The following RYR2 variants were observed in gnomAD, a reference collection of about 807,000 sequenced individuals.
The protein encoded by RYR2 is ryanodine receptor 2.
RYR2 carries 227 observed loss-of-function variants against 601.1 expected under a neutral mutation model. That is an observed-to-expected ratio of 0.38 (90% CI 0.34 to 0.42). The LOEUF is 0.42. Ranked by LOEUF, RYR2 falls within the 10% of genes least tolerant of loss-of-function variation. The pLI is 1.00. For missense variants in RYR2, 4,646 were observed against 6,156.5 expected (o/e 0.75, Z 8.21); for synonymous variants, 2,223 against 2,175.1 (o/e 1.02, Z -0.61).
intron 93 of RYR2, chr1:237,791,722 C>T: frequency 1.7e-6 from 1 of 574,534 alleles, no homozygotes. Flanking sequence ...AACTGAAGGG[C>T]ATTTGATTTA....
At chr1:237,553,225 C>T (rs577157304) in intron 27 of RYR2, among the ~76,000 whole-genome samples, 1 of 151,932 alleles carries the variant, frequency 6.6e-6, no homozygotes, top group South Asian at 2.1e-4. Context: ...GGTGTGTGAT[C>T]TAAAGTGAGT....
chr1:237,562,237 T>G (rs1671529783), intron 27 of RYR2, among the ~76,000 whole-genome samples: 1 of 152,222 alleles, frequency 6.6e-6, no homozygotes, highest in Non-Finnish European at 1.5e-5. Context: ...TAATCAAGAT[T>G]TGAATTGTTT....
At chr1:237,642,213 T>C (rs1055323463) in intron 47 of RYR2, among the ~76,000 whole-genome samples, 1 of 152,198 alleles carries the variant, frequency 6.6e-6, no homozygotes, top group Non-Finnish European at 1.5e-5. Context: ...TTTTGTGTGG[T>C]TTAGGTTTTT....
chr1:237,586,132 G>A (rs1412708), intron 29 of RYR2, among the ~76,000 whole-genome samples: 144,753 of 152,254 alleles, frequency 0.95, 69,242 homozygotes, highest in East Asian at 1. Context: ...TCAACTTTTT[G>A]TTTTGAGGAA....
At chr1:237,465,790 A>C (rs140850124) in intron 16 of RYR2, among the ~76,000 whole-genome samples, 264 of 152,348 alleles carry the variant, frequency 1.7e-3, no homozygotes, top group African/African-American at 6.1e-3. Flanking sequence ...ATGTACAGCA[A>C]ATTACCATAC....
At chr1:237,541,985 C>A (rs527631647) in intron 25 of RYR2, among the ~76,000 whole-genome samples, 29 of 152,266 alleles carry the variant, frequency 1.9e-4, no homozygotes, top group African/African-American at 6.7e-4. Flanking sequence ...GTGCATGTCA[C>A]AGGGGATGCG....
At chr1:237,722,468 C>T (rs1345000387) in intron 73 of RYR2, among the ~76,000 whole-genome samples, 1 of 149,456 alleles carries the variant, frequency 6.7e-6, no homozygotes, top group Non-Finnish European at 1.5e-5. Context: ...GAGTCTCGCT[C>T]TGTCGCCCAG....
intron 1 of RYR2, among the ~76,000 whole-genome samples, chr1:237,245,964 T>C (rs268782): frequency 0.29 from 43,784 of 151,930 alleles, 6,434 homozygotes; most frequent in East Asian, 0.34. Flanking sequence ...GTATTTTTAG[T>C]AGAAATGGGG....
chr1:237,072,398 A>G (rs1664472453), intron 1 of RYR2, among the ~76,000 whole-genome samples: 1 of 152,202 alleles, frequency 6.6e-6, no homozygotes, highest in Admixed American at 6.5e-5. Flanking sequence ...GCGGATGGGC[A>G]GAGGAGATGA....
rs144186480 is a variant in RYR2 at position 237,374,228 on chromosome 1, A to G, written c.385-489A>G. On this transcript the variant is annotated intron_variant, in intron 6 of 104. Coordinates refer to ENST00000366574, the MANE Select transcript of RYR2 (RefSeq NM_001035.3). ...ATAAGACTCTGCTGGTACAACTATA[A>G]ACCTTAACGATGGCTGGTCACTGTG... Among the ~76,000 whole-genome samples, 733 of 152,180 alleles carry G rather than the reference A, an allele frequency of 4.8e-3. 6 individuals carry two copies. The highest frequency in any genetic ancestry group is 0.013 in the African/African-American group (558 of 41,512).
intron 1 of RYR2, among the ~76,000 whole-genome samples, chr1:237,187,703 C>G (rs2148983110): frequency 6.6e-6 from 1 of 152,150 alleles, no homozygotes; most frequent in South Asian, 2.1e-4. Flanking sequence ...CTCAGCCTCC[C>G]CAAAGTGTTG....
intron 10 of RYR2, among the ~76,000 whole-genome samples, chr1:237,401,550 G>A (rs1703348497): frequency 6.6e-6 from 1 of 151,698 alleles, no homozygotes; most frequent in African/African-American, 2.4e-5. Flanking sequence ...ATGAGGTCTG[G>A]GAGGGTCCTG....
chr1:237,576,014 G>A (rs368705679), intron 29 of RYR2, among the ~76,000 whole-genome samples: 11 of 152,134 alleles, frequency 7.2e-5, no homozygotes, highest in African/African-American at 2.7e-4. Flanking sequence ...GAGACTAGCA[G>A]TAGCTAGGTA....
chr1:237,392,663 G>A (rs1228952434), intron 10 of RYR2, among the ~76,000 whole-genome samples: 4 of 151,500 alleles, frequency 2.6e-5, no homozygotes, highest in Non-Finnish European at 4.4e-5. Flanking sequence ...TCCTTTATGT[G>A]CACATAGACT....
At chr1:237,450,823 T>C (rs1421683597) in intron 14 of RYR2, among the ~76,000 whole-genome samples, 2 of 152,192 alleles carry the variant, frequency 1.3e-5, no homozygotes, top group Non-Finnish European at 2.9e-5. Flanking sequence ...AGAAGTGCCA[T>C]GGATAAACAC....
chr1:237,746,545 A>ATG (rs1303529684), intron 80 of RYR2, among the ~76,000 whole-genome samples: 1 of 152,136 alleles, frequency 6.6e-6, no homozygotes, highest in Non-Finnish European at 1.5e-5. Context: ...ATATATATAT[A>ATG]TGTATTGTTC....
chr1:237,660,190 C>A, intron 55 of RYR2, 116 bp downstream of exon 55: 1 of 509,384 alleles, frequency 2.0e-6, no homozygotes, highest in Non-Finnish European at 3.1e-6. Flanking sequence ...CACATTTTTT[C>A]TTCCAAAGGT....
At chr1:237,446,799 C>T (rs1024552302) in intron 14 of RYR2, among the ~76,000 whole-genome samples, 12 of 152,114 alleles carry the variant, frequency 7.9e-5, no homozygotes, top group Non-Finnish European at 1.6e-4. Context: ...GTATGCACCA[C>T]ATTTTTGTAT....
At chr1:237,344,986 T>G (rs1698168292) in intron 3 of RYR2, among the ~76,000 whole-genome samples, 2 of 152,032 alleles carry the variant, frequency 1.3e-5, no homozygotes, top group Admixed American at 1.3e-4. Context: ...AATTTTTGTA[T>G]TTTTAGTAGA....
Sources: gnomAD v4.1 joint callset for allele counts (sites outside exome capture counted in the v4.1 genomes callset) on GRCh38, gnomAD v4.1.1 for gene constraint, MANE v1.5 for transcripts, NCBI Gene and HGNC (gene_info 2026-07-23, HGNC 2026-07-21) for gene names.